The following LSAMP variants were observed in gnomAD, a reference collection of about 807,000 sequenced individuals.
LSAMP encodes limbic system associated membrane protein, also known as limbic system-associated membrane protein.
A neutral mutation model predicts 38.6 loss-of-function variants in LSAMP; 7 were observed. That is an observed-to-expected ratio of 0.18 (90% CI 0.10 to 0.34). LSAMP has a LOEUF of 0.34. LSAMP is among the 10% of genes least tolerant of loss of function. LSAMP has a pLI of 1.00. For missense variants in LSAMP, 313 were observed against 420.0 expected (o/e 0.75, Z 2.23); for synonymous variants, 154 against 166.8 (o/e 0.92, Z 0.59).
chr3:116,341,703 G>C (rs938337030), intron 1 of LSAMP, among the ~76,000 whole-genome samples: 1 of 151,902 alleles, frequency 6.6e-6, no homozygotes, highest in Non-Finnish European at 1.5e-5. Context: ...ATGCTATTTC[G>C]AATTGAATAC....
chr3:116,194,659 G>T (rs1435098237), intron 1 of LSAMP, among the ~76,000 whole-genome samples: 2 of 152,210 alleles, frequency 1.3e-5, no homozygotes, highest in Non-Finnish European at 2.9e-5. Context: ...GCCTCCCAAA[G>T]TGTTGGGATT....
intron 1 of LSAMP, among the ~76,000 whole-genome samples, chr3:116,269,775 G>C (rs1239439910): frequency 6.6e-6 from 1 of 152,124 alleles, no homozygotes; most frequent in Non-Finnish European, 1.5e-5. Flanking sequence ...ATGGTTCTTT[G>C]TTTGATCAAT....
chr3:116,372,326 A>G (rs1024033583), intron 1 of LSAMP, among the ~76,000 whole-genome samples: 1 of 152,082 alleles, frequency 6.6e-6, no homozygotes, highest in African/African-American at 2.4e-5. Flanking sequence ...GGGAAAGGAC[A>G]GTATTAACAA....
chr3:116,426,877 T>G (rs918253292), intron 1 of LSAMP, among the ~76,000 whole-genome samples: 2 of 143,988 alleles, frequency 1.4e-5, no homozygotes, highest in African/African-American at 2.6e-5. Context: ...TTATTATTAT[T>G]AATACTAATC....
chr3:115,929,689 A>G (rs1006265323), intron 3 of LSAMP, among the ~76,000 whole-genome samples: 6 of 152,138 alleles, frequency 3.9e-5, no homozygotes, highest in African/African-American at 1.4e-4. Context: ...ATGCTATAAA[A>G]TTCTAAATAT....
intron 1 of LSAMP, among the ~76,000 whole-genome samples, chr3:116,386,421 T>C (rs1053867614): frequency 3.9e-5 from 6 of 152,172 alleles, no homozygotes; most frequent in South Asian, 2.1e-4. Context: ...CCAGTCTTAC[T>C]GCTCACTAAT....
chr3:116,121,444 T>C (rs993240539), intron 1 of LSAMP, among the ~76,000 whole-genome samples: 1 of 152,216 alleles, frequency 6.6e-6, no homozygotes, highest in South Asian at 2.1e-4. Context: ...TATAAATCTT[T>C]AAAAATAAAT....
chr3:116,065,003 A>G (rs978150316), intron 2 of LSAMP, among the ~76,000 whole-genome samples: 1 of 152,356 alleles, frequency 6.6e-6, no homozygotes, highest in South Asian at 2.1e-4. Context: ...TCATATTTTT[A>G]AAATTATTTA....
chr3:115,874,134 T>C (rs6795566), intron 3 of LSAMP, among the ~76,000 whole-genome samples: 29,348 of 152,104 alleles, frequency 0.19, 3,696 homozygotes, highest in African/African-American at 0.34. Context: ...AAAACATCAG[T>C]TTTGTTTGAT....
rs114379548 is a variant in LSAMP, at chr3:115,860,749, G to A, written c.515-8132C>T. On this transcript the variant is annotated intron_variant, in intron 3 of 6. Transcript: ENST00000490035. ...GGAGCTACAGAGACAGTGTAGAGTAGACTTAGTACTAGAGAAGATTTCTGG... is the reference window on the plus strand; with the variant it reads ...GGAGCTACAGAGACAGTGTAGAGTAAACTTAGTACTAGAGAAGATTTCTGG... Among the ~76,000 whole-genome samples the A allele has an allele frequency of 4.8e-3, 728 of 152,304 alleles. 10 individuals are homozygous for A. Among genetic ancestry groups the A allele is most frequent in the African/African-American group, 0.015 (644 of 41,570 alleles).
chr3:116,305,802 AG>A (rs1016950090), intron 1 of LSAMP, among the ~76,000 whole-genome samples: 34 of 152,174 alleles, frequency 2.2e-4, no homozygotes, highest in South Asian at 1.0e-3. Context: ...ACTTTCCAAG[AG>A]AAACCTATAT....
At chr3:116,258,276 C>T (rs1290007202) in intron 1 of LSAMP, among the ~76,000 whole-genome samples, 1 of 151,650 alleles carries the variant, frequency 6.6e-6, no homozygotes, top group Non-Finnish European at 1.5e-5. Flanking sequence ...CTTTTTTTTA[C>T]CATTTATATC....
At chr3:116,016,049 A>G (rs1005717354) in intron 3 of LSAMP, among the ~76,000 whole-genome samples, 1 of 152,004 alleles carries the variant, frequency 6.6e-6, no homozygotes, top group African/African-American at 2.4e-5. Context: ...CACGGGTTGC[A>G]GGCAGCTTTG....
intron 1 of LSAMP, among the ~76,000 whole-genome samples, chr3:116,202,228 C>A (rs2045997841): frequency 6.6e-6 from 1 of 151,934 alleles, no homozygotes. Context: ...CTCCACCTCC[C>A]AGGTTCAAGT....
In LSAMP at chr3:115,810,479, T is replaced by C. The variant is rs1933787778; in HGVS notation, c.920-65A>G. ...ACATGGGCCCACTGTATGTTATAGC[T>C]GACTGCTGATGGTATCAGAGGTAAG... On this transcript the variant is annotated intron_variant, in intron 6 of 6. Transcript: ENST00000490035. The C allele has an allele frequency of 6.7e-6, 7 of 1,051,300 alleles. No homozygotes were observed. In the South Asian group the frequency reaches 9.3e-5, roughly 14 times the overall value. 65.1% of individuals were successfully genotyped at this position (1,051,300 alleles called of 1,614,324 possible). A position where few individuals can be genotyped will look rare whatever the true frequency, so the allele number is the denominator to read the frequency against.
intron 1 of LSAMP, among the ~76,000 whole-genome samples, chr3:116,317,116 G>A (rs374656664): frequency 1.3e-5 from 2 of 152,068 alleles, no homozygotes; most frequent in African/African-American, 4.8e-5. Context: ...GAATAAAGTT[G>A]GCCATCCCCA....
At chr3:116,439,237 A>G (rs2049397376) in intron 1 of LSAMP, among the ~76,000 whole-genome samples, 1 of 151,832 alleles carries the variant, frequency 6.6e-6, no homozygotes. Flanking sequence ...TCCAACCTCA[A>G]TATGCTAGCG....
rs112003180 is a variant in LSAMP at position 115,862,263 on chromosome 3, T to C, written c.515-9646A>G. ...CAAGAGAGATGAGAGCAGCAGTTGC[T>C]GTTTTTAAGAGTCACATAAATCAAT... On this transcript the variant is annotated intron_variant, in intron 3 of 6. Transcript: ENST00000490035. 1.8e-3 allele frequency among the ~76,000 whole-genome samples: 274 copies of C among 152,338 alleles called. 1 individual carries two copies. The highest frequency in any genetic ancestry group is 6.4e-3 in the African/African-American group (266 of 41,568).
At chr3:115,905,421 C>T (rs1936984207) in intron 3 of LSAMP, among the ~76,000 whole-genome samples, 1 of 152,078 alleles carries the variant, frequency 6.6e-6, no homozygotes, top group Admixed American at 6.6e-5. Flanking sequence ...ACCTTCCTCC[C>T]TGCTGAGTTT....
Sources: gnomAD v4.1 joint callset for allele counts (sites outside exome capture counted in the v4.1 genomes callset) on GRCh38, gnomAD v4.1.1 for gene constraint, MANE v1.5 for transcripts, NCBI Gene and HGNC (gene_info 2026-07-23, HGNC 2026-07-21) for gene names.